Variants in SLIT3 observed in about 807,000 individuals in gnomAD.
The protein encoded by SLIT3 is slit homolog 3 protein.
SLIT3 carries 68 observed loss-of-function variants against 184.0 expected under a neutral mutation model. The ratio of observed to expected loss-of-function variants is 0.37; its 90% CI spans 0.30 to 0.45. SLIT3 has a LOEUF of 0.45. SLIT3 is among the 20% of genes least tolerant of loss of function. The pLI is 1.00. For missense variants in SLIT3, 1,707 were observed against 2,026.0 expected, an observed-to-expected ratio of 0.84 and a Z score of 3.02; for synonymous variants, 831 against 828.6, an observed-to-expected ratio of 1.00 and a Z score of -0.05.
At chr5:169,027,508 G>A (rs1756871616) in intron 4 of SLIT3, among the ~76,000 whole-genome samples, 1 of 152,158 alleles carries the variant, frequency 6.6e-6, no homozygotes, top group African/African-American at 2.4e-5. Context: ...TGTTGATGAA[G>A]TCAATCAATG....
chr5:169,131,829 A>G (rs1328250597), intron 4 of SLIT3, among the ~76,000 whole-genome samples: 1 of 152,232 alleles, frequency 6.6e-6, no homozygotes. Context: ...CTTGCAGAAC[A>G]TGTGAAGCAA....
At chr5:168,753,254 G>C (rs549456606) in intron 17 of SLIT3, among the ~76,000 whole-genome samples, 156 bp from the exon 18 acceptor site, 2 of 152,330 alleles carry the variant, frequency 1.3e-5, no homozygotes, top group East Asian at 3.9e-4. Flanking sequence ...TGATAGCAGG[G>C]ACTGGAGCCC....
intron 4 of SLIT3, among the ~76,000 whole-genome samples, chr5:169,042,240 A>G (rs1280227655): frequency 3.3e-5 from 5 of 152,172 alleles, no homozygotes; most frequent in Non-Finnish European, 7.3e-5. Context: ...CACCCTACAC[A>G]TTAGAAAAAA....
At chr5:168,901,989 C>T (rs1425619165) in intron 4 of SLIT3, among the ~76,000 whole-genome samples, 2 of 152,154 alleles carry the variant, frequency 1.3e-5, no homozygotes, top group Admixed American at 6.5e-5. Context: ...GCAACCTCTG[C>T]CTCCCAGGTT....
At chr5:168,899,392 T>C (rs1760790321) in intron 4 of SLIT3, among the ~76,000 whole-genome samples, 1 of 152,238 alleles carries the variant, frequency 6.6e-6, no homozygotes, top group South Asian at 2.1e-4. Context: ...TGTATGCCTA[T>C]AGTCCCAGCT....
chr5:169,237,630 A>T (rs867668292), intron 3 of SLIT3, among the ~76,000 whole-genome samples: 1 of 151,998 alleles, frequency 6.6e-6, no homozygotes, highest in South Asian at 2.1e-4. Context: ...CTCACTACAC[A>T]CCTATTTGCA....
intron 9 of SLIT3, among the ~76,000 whole-genome samples, chr5:168,806,140 T>A (rs1232782894): frequency 1.3e-5 from 2 of 152,188 alleles, no homozygotes; most frequent in African/African-American, 4.8e-5. Flanking sequence ...TACTGCCATA[T>A]GAGACCAGCC....
chr5:169,045,972 A>G (rs913088337), intron 4 of SLIT3, among the ~76,000 whole-genome samples: 5 of 152,240 alleles, frequency 3.3e-5, no homozygotes, highest in East Asian at 1.9e-4. Context: ...AGTTCTTAGT[A>G]TAATATATCA....
chr5:168,804,497 G>A (rs1246198961), intron 9 of SLIT3, among the ~76,000 whole-genome samples: 2 of 152,054 alleles, frequency 1.3e-5, no homozygotes, highest in Admixed American at 1.3e-4. Flanking sequence ...TCCGTAGAGG[G>A]AGCGCTCTCT....
chr5:168,770,749 C>G (rs189005734), intron 14 of SLIT3, among the ~76,000 whole-genome samples: 38 of 152,252 alleles, frequency 2.5e-4, no homozygotes, highest in South Asian at 4.2e-4. Flanking sequence ...TCCCCTCCCC[C>G]ACATAGGAAA....
intron 9 of SLIT3, among the ~76,000 whole-genome samples, chr5:168,802,620 C>T (rs1299877517): frequency 6.6e-6 from 1 of 152,162 alleles, no homozygotes; most frequent in East Asian, 1.9e-4. Context: ...AGCCTAGTTC[C>T]AGAACCTATT....
chr5:169,187,891 A>G (rs1193725531), intron 4 of SLIT3, among the ~76,000 whole-genome samples: 1 of 151,502 alleles, frequency 6.6e-6, no homozygotes, highest in East Asian at 1.9e-4. Context: ...AAAGTTGTGA[A>G]CCCATGTGTC....
At chr5:168,924,449 T>C (rs906586132) in intron 4 of SLIT3, among the ~76,000 whole-genome samples, 4 of 152,118 alleles carry the variant, frequency 2.6e-5, no homozygotes, top group African/African-American at 9.7e-5. Context: ...CTCAGTTCAA[T>C]GCAAGCCAGT....
At chr5:169,029,079 C>A (rs1329489992) in intron 4 of SLIT3, among the ~76,000 whole-genome samples, 1 of 152,098 alleles carries the variant, frequency 6.6e-6, no homozygotes, top group Non-Finnish European at 1.5e-5. Context: ...GGTGGGGACT[C>A]CAGGAAGAAA....
intron 1 of SLIT3, among the ~76,000 whole-genome samples, chr5:169,264,727 C>T (rs566001384): frequency 2.8e-4 from 42 of 152,322 alleles, no homozygotes; most frequent in African/African-American, 9.9e-4. Context: ...CTTTACCTCT[C>T]CAGACTCACA....
At chr5:169,234,859 A>T (rs1765138983) in intron 3 of SLIT3, among the ~76,000 whole-genome samples, 1 of 152,206 alleles carries the variant, frequency 6.6e-6, no homozygotes, top group Non-Finnish European at 1.5e-5. Context: ...TTATTTTTTT[A>T]GGTTATTCAC....
In SLIT3 at chr5:169,101,623, C is replaced by T. The variant is rs547146768; in HGVS notation, c.413+91856G>A. ...AAGAACTTCCACAAATGGAAATATA[C>T]TGAGCATTTCATTGCTAAAAGAATC... On this transcript the variant is annotated intron_variant, in intron 4 of 35. Transcript: ENST00000519560. 3.3e-5 allele frequency among the ~76,000 whole-genome samples: 5 copies of T among 152,318 alleles called. No homozygotes were observed. In the South Asian group the frequency reaches 8.3e-4, roughly 25 times the overall value.
At chr5:168,879,904 T>C (rs1461019784) in intron 5 of SLIT3, among the ~76,000 whole-genome samples, 1 of 152,234 alleles carries the variant, frequency 6.6e-6, no homozygotes, top group Non-Finnish European at 1.5e-5. Flanking sequence ...TCTTACTCCC[T>C]GCTGTTTCCC....
At chr5:168,987,721 A>T (rs1358212831) in intron 4 of SLIT3, among the ~76,000 whole-genome samples, 1 of 152,232 alleles carries the variant, frequency 6.6e-6, no homozygotes. Flanking sequence ...CTCTGTGGTT[A>T]CCTGTACTTT....
Sources: gnomAD v4.1 joint callset for allele counts (sites outside exome capture counted in the v4.1 genomes callset) on GRCh38, gnomAD v4.1.1 for gene constraint, MANE v1.5 for transcripts, NCBI Gene and HGNC (gene_info 2026-07-23, HGNC 2026-07-21) for gene names.